CMYA5: variants seen among roughly 807,000 people sequenced by gnomAD.
CMYA5 encodes the protein cardiomyopathy associated 5, also known as cardiomyopathy-associated protein 5.
Under a neutral mutation model 318.9 loss-of-function variants are expected in CMYA5, and 246 were observed. The ratio of observed to expected loss-of-function variants is 0.77; its 90% CI spans 0.70 to 0.86. The LOEUF is 0.86. CMYA5 is among the 40% of genes least tolerant of loss of function. The pLI, the probability that CMYA5 is intolerant of heterozygous loss-of-function variation, is 0.00. For synonymous variants in CMYA5, 1,641 were observed against 1,729.5 expected (o/e 0.95, Z 1.27); for missense variants, 4,589 against 4,678.2 (o/e 0.98, Z 0.56).
At chr5:79,710,050 C>T (rs1227496937) in intron 1 of CMYA5, among the ~76,000 whole-genome samples, 1 of 145,882 alleles carries the variant, frequency 6.9e-6, no homozygotes, top group African/African-American at 2.5e-5. Context: ...TTTCCAACTA[C>T]ATATCTCTGT....
At chr5:79,755,075 C>T (rs564261105) in intron 6 of CMYA5, among the ~76,000 whole-genome samples, 1 of 152,244 alleles carries the variant, frequency 6.6e-6, no homozygotes, top group African/African-American at 2.4e-5. Context: ...GTGAATAATG[C>T]TGCTCCCCTG....
Position 79,737,422 on chromosome 5 carries a change from C to T in CMYA5, c.8657C>T (p.Ser2886Phe), listed in dbSNP as rs371768085. Residue 2886 changes from serine to phenylalanine, a missense_variant, in exon 2 of 13, where the codon TCT becomes TTT. Ser to Phe is a radical substitution (Grantham distance 155). Coordinates refer to ENST00000446378, the MANE Select transcript of CMYA5 (RefSeq NM_153610.5). ...GATACCCGTGTAAAGGAACCACTGT[C>T]TTCAGCAAAAAGCAACTATGCTCAA... is the stretch of plus-strand genomic sequence containing the variant. ...AEDTRVKEPLSSAKSNYAQFI... is the reference protein window; with the variant it reads ...AEDTRVKEPLFSAKSNYAQFI... 1.1e-5 allele frequency: 18 copies of T among 1,613,764 alleles called. No individual in the cohort carries two copies. The African/African-American group carries it at 2.0e-4, about 18-fold the overall frequency.
At chr5:79,766,189 C>A (rs1430879147) in intron 9 of CMYA5, among the ~76,000 whole-genome samples, 1 of 150,920 alleles carries the variant, frequency 6.6e-6, no homozygotes, top group East Asian at 2.0e-4. Context: ...ACCTCTGCCT[C>A]CCAGGTTCAA....
At chr5:79,751,104 T>A (rs572985010) in intron 5 of CMYA5, among the ~76,000 whole-genome samples, 2 of 152,098 alleles carry the variant, frequency 1.3e-5, no homozygotes. Flanking sequence ...ACCTCCCTCC[T>A]CTGCTTACCC....
rs373691559 is a variant in CMYA5 at position 79,730,938 on chromosome 5, G to C, written c.2173G>C (p.Gly725Arg). The change falls in exon 2 of 13, where the codon GGT (glycine) becomes CGT (arginine). Residue 725 changes from glycine to arginine, a missense_variant. By Grantham distance (125) the Gly-to-Arg change is moderately radical (BLOSUM62 -2). This residue lies in a region of CMYA5 where 2,132 missense variants were observed against 2,131.3 expected (regional missense o/e 1.00). Transcript: ENST00000446378. ...IDRKSPLILK[G>R]VSEYMIPSEE... ...CCGTAAGTCCCCGTTAATATTGAAA[G>C]GTGTTTCTGAGTACATGATTCCATC... is the stretch of plus-strand genomic sequence containing the variant. 3.7e-6 allele frequency: 6 copies of C among 1,613,786 alleles called. No homozygotes were observed. Among genetic ancestry groups the C allele is most frequent in the Non-Finnish European group, 5.1e-6 (6 of 1,179,872 alleles).
rs1244250907 is a variant in CMYA5, at chr5:79,731,108, A to G, written c.2343A>G (p.Ser781=). The change falls in exon 2 of 13, where the codon TCA becomes TCG. Residue 781 remains serine (S), a synonymous_variant. Coordinates refer to ENST00000446378, the MANE Select transcript of CMYA5 (RefSeq NM_153610.5). The part of the protein sequence containing the change: ...STATSEHVVP[S]EGEDLGSERF... ...CCACATCAGAACACGTGGTCCCATC[A>G]GAAGGAGAGGACCTAGGAAGTGAAC... 1.9e-6 allele frequency: 3 copies of G among 1,614,042 alleles called. No individual in the cohort carries two copies. The highest frequency in any genetic ancestry group is 2.7e-5 in the African/African-American group (2 of 75,066).
At position 79,731,608 on chromosome 5, in the gene CMYA5, A is replaced by G. The variant is rs1453111891; in HGVS notation, c.2843A>G (p.Asp948Gly). The G allele has an allele frequency of 1.2e-6, 2 of 1,613,620 alleles. No individual in the cohort carries two copies. The highest frequency in any genetic ancestry group is 3.3e-5 in the Admixed American group (2 of 59,952). Reference sequence around the variant, plus strand: ...GAAGACATTGGACCTTTTTCTCCAGATTCTGCATTTGTGTCAGAATTCTCA... The same window carrying G: ...GAAGACATTGGACCTTTTTCTCCAGGTTCTGCATTTGTGTCAGAATTCTCA... ...DQEDIGPFSP[D>G]SAFVSEFSFP... Residue 948 changes from aspartate to glycine, a missense_variant, in exon 2 of 13, where the codon GAT becomes GGT. By Grantham distance (94) the Asp-to-Gly change is moderately conservative (BLOSUM62 -1). Around this residue, in one of 3 missense-constraint regions of CMYA5, gnomAD observed 2,132 missense variants for 2,131.3 expected, o/e 1.00. Coordinates refer to ENST00000446378, the MANE Select transcript of CMYA5 (RefSeq NM_153610.5).
Position 79,730,456 on chromosome 5 carries a change from T to C in CMYA5, c.1691T>C (p.Leu564Pro). 2 of 1,613,900 alleles carry C rather than the reference T, an allele frequency of 1.2e-6. No individual in the cohort carries two copies. Among genetic ancestry groups the C allele is most frequent in the Non-Finnish European group, 1.7e-6 (2 of 1,179,880 alleles). The change falls in exon 2 of 13, where the codon CTA (leucine) becomes CCA (proline). Residue 564 changes from leucine to proline, a missense_variant. Coordinates refer to ENST00000446378, the MANE Select transcript of CMYA5 (RefSeq NM_153610.5). Reference sequence around the variant, plus strand: ...GAGCACAAAGAAGAAGAGCTTATTCTACCATTATTGGCAGCATCATCTCCT... The same window carrying C: ...GAGCACAAAGAAGAAGAGCTTATTCCACCATTATTGGCAGCATCATCTCCT... ...EVEHKEEELILPLLAASSPEH... is the reference protein window; with the variant it reads ...EVEHKEEELIPPLLAASSPEH...
At chr5:79,750,957 G>A (rs1274695410) in intron 5 of CMYA5, among the ~76,000 whole-genome samples, 1 of 152,034 alleles carries the variant, frequency 6.6e-6, no homozygotes, top group African/African-American at 2.4e-5. Context: ...TTTTTAGAGG[G>A]CTTAGTGCAT....
chr5:79,765,697 T>A (rs1828737833), intron 9 of CMYA5, among the ~76,000 whole-genome samples: 1 of 152,192 alleles, frequency 6.6e-6, no homozygotes, highest in African/African-American at 2.4e-5. Context: ...CTTGAAGAGG[T>A]CCTTCATATC....
rs557889759 is a variant in CMYA5 at position 79,789,166 on chromosome 5, G to A, written c.11689+62G>A. The A allele has an allele frequency of 4.9e-5, 78 of 1,588,770 alleles. 1 individual carries two copies. In the African/African-American group the frequency reaches 8.8e-4, roughly 18 times the overall value. On this transcript the variant is annotated intron_variant, in intron 10 of 12. Transcript: ENST00000446378. Reference sequence around the variant, plus strand: ...GCTATTTCTTCCCTTCCACCCCTCAGAGAAGATGTCCTAGAGGGCAACTTT... The same window carrying A: ...GCTATTTCTTCCCTTCCACCCCTCAAAGAAGATGTCCTAGAGGGCAACTTT...
At chr5:79,787,001 C>T (rs1829093877) in intron 9 of CMYA5, among the ~76,000 whole-genome samples, 1 of 152,116 alleles carries the variant, frequency 6.6e-6, no homozygotes, top group Non-Finnish European at 1.5e-5. Flanking sequence ...CCATGTAAAC[C>T]TTTATTCTTT....
chr5:79,791,466 A>G (rs2151100865), intron 11 of CMYA5, among the ~76,000 whole-genome samples: 1 of 152,236 alleles, frequency 6.6e-6, no homozygotes, highest in South Asian at 2.1e-4. Flanking sequence ...CACTCCTGTA[A>G]TCCCAGCACT....
At chr5:79,728,078 G>A (rs1303854809) in intron 1 of CMYA5, among the ~76,000 whole-genome samples, 1 of 152,170 alleles carries the variant, frequency 6.6e-6, no homozygotes, top group Non-Finnish European at 1.5e-5. Flanking sequence ...TCACGAGATA[G>A]GTTCTATTAT....
Position 79,738,766 on chromosome 5 carries a change from A to G in CMYA5, c.10001A>G (p.Gln3334Arg). 6.2e-7 allele frequency: 1 copy of G among 1,613,978 alleles called. No individual in the cohort carries two copies. Among genetic ancestry groups the G allele is most frequent in the Non-Finnish European group, 8.5e-7 (1 of 1,179,880 alleles). Residue 3334 changes from glutamine (Q) to arginine (R), a missense_variant, in exon 2 of 13, where the codon CAG (glutamine) becomes CGG (arginine). By Grantham distance (43) the Gln-to-Arg change is conservative. This residue lies in a region of CMYA5 where 2,431 missense variants were observed against 2,495.1 expected (regional missense o/e 0.97). Coordinates refer to ENST00000446378, the MANE Select transcript of CMYA5 (RefSeq NM_153610.5). ...PITEDVRVAT[Q>R]KISYAVPFED... Reference sequence around the variant, plus strand: ...ACAGAGGACGTCAGAGTGGCTACCCAGAAAATAAGTTATGCGGTTCCATTT... The same window carrying G: ...ACAGAGGACGTCAGAGTGGCTACCCGGAAAATAAGTTATGCGGTTCCATTT...
At chr5:79,724,469 T>G (rs989249282) in intron 1 of CMYA5, among the ~76,000 whole-genome samples, 1 of 152,224 alleles carries the variant, frequency 6.6e-6, no homozygotes, top group African/African-American at 2.4e-5. Flanking sequence ...GGTATCAGTC[T>G]GTTTGCTTGA....
Position 79,752,806 on chromosome 5 carries a change from A to G in CMYA5, c.11110+12A>G, listed in dbSNP as rs560950806. 6.4e-7 allele frequency: 1 copy of G among 1,567,344 alleles called. No homozygotes were observed. Among genetic ancestry groups the G allele is most frequent in the African/African-American group, 1.4e-5 (1 of 73,998 alleles). ...AAAACAAGTGGCTGGTAAGCATTTT[A>G]ATATATTAATTACCTAGATGAAATA... On this transcript the variant is annotated intron_variant, in intron 6 of 12. Coordinates refer to ENST00000446378, the MANE Select transcript of CMYA5 (RefSeq NM_153610.5).
chr5:79,721,300 A>G (rs1827620794), intron 1 of CMYA5, among the ~76,000 whole-genome samples: 1 of 152,188 alleles, frequency 6.6e-6, no homozygotes, highest in African/African-American at 2.4e-5. Flanking sequence ...CCTGGGCAAC[A>G]TATTGAGACC....
intron 1 of CMYA5, among the ~76,000 whole-genome samples, chr5:79,694,537 G>A (rs1248995350): frequency 6.6e-6 from 1 of 152,130 alleles, no homozygotes; most frequent in African/African-American, 2.4e-5. Flanking sequence ...AAGCACAGAG[G>A]ATTTTTGCCA....
Sources: allele counts gnomAD v4.1 joint callset (sites outside exome capture counted in the v4.1 genomes callset), GRCh38; gene constraint gnomAD v4.1.1; regional missense constraint gnomAD v4.1.1; transcripts MANE v1.5; gene names NCBI Gene and HGNC (gene_info 2026-07-23, HGNC 2026-07-21).